Variants in TFCP2 observed in about 807,000 individuals in gnomAD.
The protein encoded by TFCP2 is transcription factor CP2, also known as alpha-globin transcription factor CP2.
TFCP2 carries 33 observed loss-of-function variants against 73.4 expected under a neutral mutation model. The observed-to-expected ratio is 0.45, with a 90% CI of 0.34 to 0.60. The LOEUF is 0.60. Among genes scored for constraint, TFCP2 ranks in the 20% least tolerant of loss-of-function variants. TFCP2 has a pLI of 0.01. For synonymous variants in TFCP2, 193 were observed against 211.6 expected (o/e 0.91, Z 0.76); for missense variants, 352 against 604.0 (o/e 0.58, Z 4.37).
chr12:51,117,369 G>A (rs11169712), intron 3 of TFCP2, among the ~76,000 whole-genome samples: 31,042 of 152,076 alleles, frequency 0.2, 3,225 homozygotes, highest in South Asian at 0.26. Context: ...CTTCTCTAAA[G>A]ATCTCAAGGA....
At chr12:51,096,142 G>A in intron 13 of TFCP2, 102 bp from the exon 14 acceptor site, 2 of 879,050 alleles carry the variant, frequency 2.3e-6, no homozygotes, top group Non-Finnish European at 3.6e-6. Flanking sequence ...ATTTATATGG[G>A]AGGCTTTACA....
At chr12:51,100,460 AC>A (rs1940083190) in intron 11 of TFCP2, among the ~76,000 whole-genome samples, 1 of 152,134 alleles carries the variant, frequency 6.6e-6, no homozygotes, top group South Asian at 2.1e-4. Context: ...CAAGTCATCA[AC>A]CCCTGATTTC....
chr12:51,169,914 G>A (rs1770163789), intron 1 of TFCP2, among the ~76,000 whole-genome samples: 1 of 152,138 alleles, frequency 6.6e-6, no homozygotes, highest in African/African-American at 2.4e-5. Flanking sequence ...AATGTAAGAT[G>A]GCATAGTATC....
intron 1 of TFCP2, among the ~76,000 whole-genome samples, chr12:51,145,026 C>A (rs1035801030): frequency 6.6e-6 from 1 of 152,048 alleles, no homozygotes; most frequent in Non-Finnish European, 1.5e-5. Context: ...CATGGTGAAA[C>A]CCTGTCTCTA....
chr12:51,167,857 T>C (rs1275801749), intron 1 of TFCP2, among the ~76,000 whole-genome samples: 1 of 151,986 alleles, frequency 6.6e-6, no homozygotes, highest in African/African-American at 2.4e-5. Context: ...GGTCGGGAGT[T>C]AGAGATCAGC....
At chr12:51,109,011 G>A in intron 6 of TFCP2, 110 bp downstream of exon 6, 1 of 1,209,184 alleles carries the variant, frequency 8.3e-7, no homozygotes, top group South Asian at 1.4e-5. Context: ...CTTTTTGCGT[G>A]TGTGTGAGTT....
intron 1 of TFCP2, among the ~76,000 whole-genome samples, chr12:51,122,956 T>A (rs570613922): frequency 6.6e-6 from 1 of 152,344 alleles, no homozygotes; most frequent in East Asian, 1.9e-4. Flanking sequence ...TAGTAAAGAT[T>A]ACCAGATTTC....
At chr12:51,111,301 G>A (rs1343500589) in intron 4 of TFCP2, among the ~76,000 whole-genome samples, 1 of 151,744 alleles carries the variant, frequency 6.6e-6, no homozygotes, top group East Asian at 2.0e-4. Context: ...GTGCCACCAC[G>A]CCCGGCTAAT....
chr12:51,107,052 G>T, intron 7 of TFCP2, 184 bp downstream of exon 7: 2 of 629,476 alleles, frequency 3.2e-6, no homozygotes, highest in South Asian at 4.1e-5. Context: ...TGGACACAGA[G>T]ACAGTGGCAT....
At chr12:51,127,267 GGT>G (rs889970534) in intron 1 of TFCP2, among the ~76,000 whole-genome samples, 1 of 152,128 alleles carries the variant, frequency 6.6e-6, no homozygotes, top group Admixed American at 6.6e-5. Context: ...CTAAGGCTGA[GGT>G]GCTAAAGACA....
In TFCP2 at chr12:51,116,310, C is replaced by A. The variant is rs370242505; in HGVS notation, c.457+5G>T. 2.0e-5 allele frequency: 31 copies of A among 1,566,364 alleles called. No homozygotes were observed. Among genetic ancestry groups the A allele is most frequent in the Non-Finnish European group, 2.7e-5 (31 of 1,142,930 alleles). ...TTTCCTAGGCAATAGATTCTCTTAA[C>A]TCACCTATGTCAAGAATTCTGTCTC... On this transcript the variant is annotated splice_donor_5th_base_variant and intron_variant, in intron 4 of 14. Transcript: ENST00000257915.
At chr12:51,168,476 T>C (rs1324602754) in intron 1 of TFCP2, among the ~76,000 whole-genome samples, 5 of 152,066 alleles carry the variant, frequency 3.3e-5, no homozygotes, top group African/African-American at 1.2e-4. Context: ...AACTGGTGTT[T>C]TGTTTTGGTT....
At position 51,095,253 on chromosome 12, in the gene TFCP2, G is replaced by A; in HGVS notation, c.1497C>T (p.Ile499=). The change falls in exon 15 of 15, where the codon ATC becomes ATT. Residue 499 remains isoleucine (I), a synonymous_variant. Coordinates refer to ENST00000257915, the MANE Select transcript of TFCP2 (RefSeq NM_005653.5). ...AAACGCCGCACTCCTACTTCAGTAT[G>A]ATATGATAGCTATCATTGGTTTCTG... ...MKAETNDSYH[I]ILK 3.1e-6 allele frequency: 5 copies of A among 1,614,048 alleles called. No individual in the cohort carries two copies. Among genetic ancestry groups the A allele is most frequent in the Non-Finnish European group, 4.2e-6 (5 of 1,180,018 alleles).
chr12:51,132,691 C>T (rs926574957), intron 1 of TFCP2, among the ~76,000 whole-genome samples: 9 of 152,060 alleles, frequency 5.9e-5, no homozygotes, highest in East Asian at 1.9e-4. Flanking sequence ...TAAGAAGTAT[C>T]GCTAGCTTTT....
intron 1 of TFCP2, among the ~76,000 whole-genome samples, chr12:51,126,076 A>C (rs890926185): frequency 1.3e-5 from 2 of 151,928 alleles, no homozygotes; most frequent in African/African-American, 4.8e-5. Flanking sequence ...TAAAAAAGAC[A>C]ACAAAAATTA....
At chr12:51,122,183 GTTA>G (rs1940693814) in intron 1 of TFCP2, among the ~76,000 whole-genome samples, 1 of 146,732 alleles carries the variant, frequency 6.8e-6, no homozygotes, top group Admixed American at 6.8e-5. Flanking sequence ...GAATAACAAT[GTTA>G]TTATTTGAAT....
At chr12:51,124,735 C>G (rs1456073353) in intron 1 of TFCP2, 3 of 718,048 alleles carry the variant, frequency 4.2e-6, no homozygotes, top group Non-Finnish European at 7.7e-6. Flanking sequence ...GAGTCGCCCT[C>G]AGCAGAGATC....
intron 1 of TFCP2, among the ~76,000 whole-genome samples, chr12:51,139,125 C>A (rs972497546): frequency 1.3e-5 from 2 of 152,182 alleles, no homozygotes; most frequent in East Asian, 3.8e-4. Context: ...GTTTACTAAG[C>A]CTCAACCCTC....
intron 1 of TFCP2, among the ~76,000 whole-genome samples, chr12:51,153,491 G>A (rs183915324): frequency 4.0e-5 from 6 of 151,526 alleles, no homozygotes; most frequent in South Asian, 2.1e-4. Flanking sequence ...TATTAAGTAC[G>A]TTCACCACTA....
Sources: allele counts gnomAD v4.1 joint callset (sites outside exome capture counted in the v4.1 genomes callset), GRCh38; gene constraint gnomAD v4.1.1; transcripts MANE v1.5; gene names NCBI Gene and HGNC (gene_info 2026-07-23, HGNC 2026-07-21).